PPP1R13L: variants seen among roughly 807,000 people sequenced by gnomAD.
The protein encoded by PPP1R13L is relA-associated inhibitor.
Under a neutral mutation model 80.9 loss-of-function variants are expected in PPP1R13L, and 50 were observed. The observed-to-expected ratio is 0.62, with a 90% CI of 0.49 to 0.78. PPP1R13L has a LOEUF of 0.78. PPP1R13L is among the 30% of genes least tolerant of loss of function. The probability of loss-of-function intolerance (pLI) is 0.00; values close to 1 mark genes in which losing one functional copy is unlikely to be tolerated. For synonymous variants in PPP1R13L, 602 were observed against 534.3 expected (o/e 1.13, Z -1.75); for missense variants, 1,200 against 1,205.9 (o/e 1.00, Z 0.07).
chr19:45,398,585 C>CTTTTTTTTTTTTTTTTTTTTTTTTTT (rs113649282), intron 1 of PPP1R13L, among the ~76,000 whole-genome samples: 1 of 136,530 alleles, frequency 7.3e-6, no homozygotes, highest in East Asian at 2.1e-4. Context: ...TTTTTCTTTT[C>CTTTTTTTTTTTTTTTTTTTTTTTTTT]TTTTTTTTTT....
At chr19:45,404,927 C>T (rs1568565202) in intron 1 of PPP1R13L, 72 bp downstream of exon 1, 3 of 930,924 alleles carry the variant, frequency 3.2e-6, no homozygotes, top group Non-Finnish European at 3.8e-6. Context: ...TCCGAGTCCC[C>T]TCCCAATCCT....
chr19:45,398,349 G>A lies in PPP1R13L; in HGVS notation c.-21-10C>T. On this transcript the variant is annotated splice_polypyrimidine_tract_variant and intron_variant, in intron 1 of 12. Transcript: ENST00000360957. Reference sequence around the variant, plus strand: ...CGGCCGGAGCGGGCGCCTGCATGGTGGGGAGGGAGGGAGCTGGCTAAGACC... The same window carrying A: ...CGGCCGGAGCGGGCGCCTGCATGGTAGGGAGGGAGGGAGCTGGCTAAGACC... 6.2e-7 allele frequency: 1 copy of A among 1,611,642 alleles called. No individual in the cohort carries two copies. The highest frequency in any genetic ancestry group is 8.5e-7 in the Non-Finnish European group (1 of 1,179,658).
Position 45,395,470 on chromosome 19 carries a change from C to A in PPP1R13L, c.1320G>T (p.Gln440His), listed in dbSNP as rs1199993014. ...CAGGGGGCCATGTCTGTTGGGGATGCTGGGGGGCTGGGGTAGGGGTTTGGG... is the reference window on the plus strand; with the variant it reads ...CAGGGGGCCATGTCTGTTGGGGATGATGGGGGGCTGGGGTAGGGGTTTGGG... Reference protein sequence around the residue: ...TQPQTPTPAPQHPQQTWPPVN... With the variant: ...TQPQTPTPAPHHPQQTWPPVN... Residue 440 changes from glutamine (Q) to histidine (H), a missense_variant, in exon 7 of 13, where the codon CAG becomes CAT. Around this residue, in one of 5 missense-constraint regions of PPP1R13L, gnomAD observed 764 missense variants for 714.5 expected, o/e 1.07. Coordinates refer to ENST00000360957, the MANE Select transcript of PPP1R13L (RefSeq NM_006663.4). 2 of 449,644 alleles carry A rather than the reference C, an allele frequency of 4.4e-6. No individual in the cohort carries two copies. The highest frequency in any genetic ancestry group is 2.9e-5 in the African/African-American group (1 of 34,064). 27.9% of individuals were successfully genotyped at this position (449,644 alleles called of 1,614,324 possible).
chr19:45,403,634 C>T (rs1472978961), intron 1 of PPP1R13L, among the ~76,000 whole-genome samples: 4 of 152,180 alleles, frequency 2.6e-5, no homozygotes, highest in Non-Finnish European at 5.9e-5. Context: ...CCCAAGATTC[C>T]TCTAGACAAT....
chr19:45,395,798 C>T lies in PPP1R13L; in HGVS notation c.992G>A (p.Arg331His), dbSNP rs1398338260. The T allele has an allele frequency of 3.8e-6, 6 of 1,579,630 alleles. No homozygotes were observed. The highest frequency in any genetic ancestry group is 5.1e-6 in the Non-Finnish European group (6 of 1,166,078). Residue 331 changes from arginine (R) to histidine (H), a missense_variant, in exon 7 of 13, where the codon CGC (arginine) becomes CAC (histidine). Arg to His is a conservative substitution (Grantham distance 29). Coordinates refer to ENST00000360957, the MANE Select transcript of PPP1R13L (RefSeq NM_006663.4). ...CGACGGCCCCGCGGAGCCCAGCGAG[C>T]GCCGGTAGCTGCCCGCGTCTGAACG... ...DRRSDAGSYR[R>H]SLGSAGPSGT... is the part of the protein sequence containing the mutation.
chr19:45,386,086 G>C lies in PPP1R13L; in HGVS notation c.1910C>G (p.Thr637Ser). ...PLVLLLDAALTGELEVVQQAV... is the reference protein window; with the variant it reads ...PLVLLLDAALSGELEVVQQAV... The stretch of plus-strand genomic sequence containing the variant: ...CTGCTGCACCACCTCCAGCTCCCCG[G>C]TCAGCGCCGCGTCCAGGAGGAGCAC... Residue 637 changes from threonine (T) to serine (S), a missense_variant, in exon 9 of 13, where the codon ACC becomes AGC. Physicochemically the swap from Thr to Ser is moderately conservative, Grantham distance 58. Coordinates refer to ENST00000360957, the MANE Select transcript of PPP1R13L (RefSeq NM_006663.4). The C allele has an allele frequency of 1.3e-6, 2 of 1,580,238 alleles. No homozygotes were observed.
intron 1 of PPP1R13L, 79 bp downstream of exon 1, chr19:45,404,920 G>A: frequency 4.5e-6 from 4 of 891,388 alleles, no homozygotes; most frequent in East Asian, 2.4e-4. Flanking sequence ...CCTGGCGTCC[G>A]AGTCCCCTCC....
Position 45,396,386 on chromosome 19 carries a change from G to A in PPP1R13L, c.763C>T (p.Leu255=). ...RPPKAWNESD[L]DVAYEKKPSQ... is the part of the protein sequence containing the mutation. ...GGCTTCTTCTCGTACGCCACGTCCA[G>A]GTCAGACTCGTTCCAGGCTTTCGGA... is the stretch of plus-strand genomic sequence containing the variant. Residue 255 remains leucine, a synonymous_variant, in exon 5 of 13, where the codon CTG becomes TTG. Coordinates refer to ENST00000360957, the MANE Select transcript of PPP1R13L (RefSeq NM_006663.4). This position sits in a 1 kb window ranked among gnomAD's most constrained non-coding sequence, Gnocchi z 5.3. The A allele has an allele frequency of 6.2e-7, 1 of 1,614,172 alleles. No homozygotes were observed. The highest frequency in any genetic ancestry group is 1.3e-5 in the African/African-American group (1 of 75,070).
rs1457077293 is a variant in PPP1R13L at position 45,395,771 on chromosome 19, C to G, written c.1019G>C (p.Gly340Ala). The G allele has an allele frequency of 1.9e-6, 3 of 1,553,960 alleles. No individual in the cohort carries two copies. The South Asian group carries it at 3.5e-5, about 18-fold the overall frequency. ...GGGCTGCCAGCTGCGAGGCAAAGTGCCCGACGGCCCCGCGGAGCCCAGCGA... is the reference window on the plus strand; with the variant it reads ...GGGCTGCCAGCTGCGAGGCAAAGTGGCCGACGGCCCCGCGGAGCCCAGCGA... Reference protein sequence around the residue: ...RRSLGSAGPSGTLPRSWQPVS... With the variant: ...RRSLGSAGPSATLPRSWQPVS... Residue 340 changes from glycine (G) to alanine (A), a missense_variant, in exon 7 of 13, where the codon GGC becomes GCC. Transcript: ENST00000360957.
upstream of PPP1R13L, chr19:45,405,116 A>G: frequency 1.1e-6 from 1 of 943,914 alleles, no homozygotes. Context: ...CTTGGGCTGG[A>G]GGGAGGCGGG....
chr19:45,385,207 C>T (rs1972841430), intron 11 of PPP1R13L, among the ~76,000 whole-genome samples: 1 of 152,174 alleles, frequency 6.6e-6, no homozygotes, highest in African/African-American at 2.4e-5. Context: ...AATGCCTCTC[C>T]CACAAGTGGC....
intron 11 of PPP1R13L, among the ~76,000 whole-genome samples, chr19:45,383,477 T>G (rs1266374932): frequency 6.6e-6 from 1 of 151,204 alleles, no homozygotes; most frequent in Admixed American, 6.6e-5. Context: ...GTATCTTTAG[T>G]AGAGACGGGG....
chr19:45,392,340 C>T lies in PPP1R13L; in HGVS notation c.1355G>A (p.Gly452Glu). 2 of 1,613,104 alleles carry T rather than the reference C, an allele frequency of 1.2e-6. No homozygotes were observed. The highest frequency in any genetic ancestry group is 8.5e-7 in the Non-Finnish European group (1 of 1,179,978). Reference sequence around the variant, plus strand: ...CAGCTCGGTGGGGGGTTTGGGGGGTCCTAGCCGGAACAAGAGCCCATCAGA... The same window carrying T: ...CAGCTCGGTGGGGGGTTTGGGGGGTTCTAGCCGGAACAAGAGCCCATCAGA... ...PQQTWPPVNE[G>E]PPKPPTELEP... The change falls in exon 8 of 13, where the codon GGA (glycine) becomes GAA (glutamate). Residue 452 changes from glycine (G) to glutamate (E), a missense_variant and splice_region_variant. Transcript: ENST00000360957.
intron 8 of PPP1R13L, among the ~76,000 whole-genome samples, chr19:45,390,467 TG>T (rs1273379006): frequency 6.6e-6 from 1 of 152,164 alleles, no homozygotes; most frequent in Non-Finnish European, 1.5e-5. Flanking sequence ...AGACATTGTA[TG>T]AGAAAGCACT....
At chr19:45,402,047 CT>C (rs2123403502) in intron 1 of PPP1R13L, 1 of 152,270 alleles carries the variant, frequency 6.6e-6, no homozygotes, top group East Asian at 1.9e-4. Context: ...CCTCATAGGA[CT>C]ACTGTAAGAA....
intron 2 of PPP1R13L, 21 bp downstream of exon 2, chr19:45,398,243 C>T: frequency 6.2e-7 from 1 of 1,613,736 alleles, no homozygotes; most frequent in Non-Finnish European, 8.5e-7. Context: ...CTCGCCAGCC[C>T]CGCCCCCTAC....
In PPP1R13L at chr19:45,396,858, G is replaced by T. The variant is rs1020534369; in HGVS notation, c.399C>A (p.Gly133=). The part of the protein sequence containing the change: ...TPLYLQPDAY[G]SLDRATSPRP... ...GGGGCGAGGTCGCGCGGTCCAGGCTGCCGTAGGCGTCCGGCTGCAGGTAGA... is the reference window on the plus strand; with the variant it reads ...GGGGCGAGGTCGCGCGGTCCAGGCTTCCGTAGGCGTCCGGCTGCAGGTAGA... Residue 133 remains glycine (G), a synonymous_variant, in exon 4 of 13, where the codon GGC becomes GGA. Coordinates refer to ENST00000360957, the MANE Select transcript of PPP1R13L (RefSeq NM_006663.4). The surrounding 1 kb of genome is among the most constrained non-coding windows in gnomAD (Gnocchi z 5.3). 16 of 1,528,120 alleles carry T rather than the reference G, an allele frequency of 1.0e-5. No individual in the cohort carries two copies. Among genetic ancestry groups the T allele is most frequent in the Non-Finnish European group, 1.0e-5 (12 of 1,147,088 alleles). 94.7% of individuals were successfully genotyped at this position (1,528,120 alleles called of 1,614,324 possible). A position where few individuals can be genotyped will look rare whatever the true frequency, so the allele number is the denominator to read the frequency against.
chr19:45,385,026 C>G (rs1972838469), intron 11 of PPP1R13L, among the ~76,000 whole-genome samples: 2 of 152,176 alleles, frequency 1.3e-5, no homozygotes, highest in East Asian at 3.9e-4. Flanking sequence ...ACTGGCTCCT[C>G]CAGGTGTGAA....
chr19:45,382,677 G>C lies in PPP1R13L; in HGVS notation c.2298C>G (p.Leu766=). ...CCCCGAACTCGGCGCTGTAGTCCCA[G>C]AGAGCGTACACTGCCCCGCTGTTCA... is the stretch of plus-strand genomic sequence containing the variant. ...GLMNSGAVYA[L]WDYSAEFGDE... is the part of the protein sequence containing the mutation. Residue 766 remains leucine, a synonymous_variant, in exon 12 of 13, where the codon CTC becomes CTG. Coordinates refer to ENST00000360957, the MANE Select transcript of PPP1R13L (RefSeq NM_006663.4). 1 of 1,614,046 alleles carries C rather than the reference G, an allele frequency of 6.2e-7. No individual in the cohort carries two copies. The highest frequency in any genetic ancestry group is 8.5e-7 in the Non-Finnish European group (1 of 1,180,050).
Sources: allele counts gnomAD v4.1 joint callset (sites outside exome capture counted in the v4.1 genomes callset), GRCh38; gene constraint gnomAD v4.1.1; regional missense constraint gnomAD v4.1.1; non-coding constraint Gnocchi (gnomAD v3.1); transcripts MANE v1.5; gene names NCBI Gene and HGNC (gene_info 2026-07-23, HGNC 2026-07-21).